Variants in POLR3B observed in about 807,000 individuals in gnomAD.
POLR3B encodes DNA-directed RNA polymerase III subunit RPC2.
A neutral mutation model predicts 147.4 loss-of-function variants in POLR3B; 96 were observed. The observed-to-expected ratio is 0.65, with a 90% CI of 0.55 to 0.77. POLR3B has a LOEUF of 0.77. Among genes scored for constraint, POLR3B ranks in the 30% least tolerant of loss-of-function variants. POLR3B has a pLI of 0.00. For missense variants in POLR3B, 1,036 were observed against 1,413.5 expected (o/e 0.73, Z 4.28); for synonymous variants, 461 against 485.9 (o/e 0.95, Z 0.67).
intron 9 of POLR3B, among the ~76,000 whole-genome samples, chr12:106,392,829 T>G (rs1015551131): frequency 2.0e-5 from 3 of 152,260 alleles, no homozygotes; most frequent in Admixed American, 2.0e-4. Flanking sequence ...GAATGTTTGT[T>G]TTCCACTTTC....
chr12:106,452,285 CA>C (rs1201379257), intron 19 of POLR3B, among the ~76,000 whole-genome samples: 5 of 152,214 alleles, frequency 3.3e-5, no homozygotes, highest in African/African-American at 1.2e-4. Flanking sequence ...TATACTCTCA[CA>C]AGTTCTTTAA....
Position 106,444,590 on chromosome 12 carries a change from G to A in POLR3B, c.2083G>A (p.Gly695Ser). The part of the protein sequence containing the change: ...YQCAMGKQAM[G>S]TIGYNQRNRI... Reference sequence around the variant, plus strand: ...GTGTGCCATGGGGAAACAAGCCATGGGTAAGATTTCCTTCTTGAAAGTTGG... The same window carrying A: ...GTGTGCCATGGGGAAACAAGCCATGAGTAAGATTTCCTTCTTGAAAGTTGG... Residue 695 changes from glycine (G) to serine (S), a missense_variant and splice_region_variant, in exon 19 of 28, where the codon GGT becomes AGT. By Grantham distance (56) the Gly-to-Ser change is moderately conservative. Transcript: ENST00000228347. The A allele has an allele frequency of 6.2e-7, 1 of 1,613,478 alleles. No homozygotes were observed. Among genetic ancestry groups the A allele is most frequent in the Non-Finnish European group, 8.5e-7 (1 of 1,179,852 alleles).
intron 27 of POLR3B, among the ~76,000 whole-genome samples, chr12:106,508,015 C>T (rs912883847): frequency 1.3e-5 from 2 of 152,098 alleles, no homozygotes; most frequent in Admixed American, 6.6e-5. Flanking sequence ...TAAAATTTTA[C>T]GTATGATTTT....
Position 106,507,818 on chromosome 12 carries a change from A to G in POLR3B, c.3273-1602A>G, listed in dbSNP as rs117353348. ...AGTTCTTGCTTTTCTTTTCTAAAAT[A>G]ATACAAGCTTTATTTTACTGATTGC... On this transcript the variant is annotated intron_variant, in intron 27 of 27. Transcript: ENST00000228347. 3,685 of 455,940 alleles carry G rather than the reference A, an allele frequency of 8.1e-3. 20 individuals carry two copies. Among genetic ancestry groups the G allele is most frequent in the Non-Finnish European group, 0.013 (2,940 of 226,768 alleles). The allele number at this position is 455,940 out of a possible 1,614,324, so 28.2% of individuals were successfully genotyped here. A position where few individuals can be genotyped will look rare whatever the true frequency, so the allele number is the denominator to read the frequency against.
chr12:106,449,073 G>A (rs1279705490), intron 19 of POLR3B, among the ~76,000 whole-genome samples: 1 of 152,004 alleles, frequency 6.6e-6, no homozygotes, highest in Non-Finnish European at 1.5e-5. Context: ...TCAGATTTTG[G>A]ATTTTTTTGA....
chr12:106,393,010 T>C (rs760493506), intron 9 of POLR3B, 21 bp from the exon 10 acceptor site: 2 of 1,614,050 alleles, frequency 1.2e-6, no homozygotes, highest in Non-Finnish European at 1.7e-6. Flanking sequence ...ACACTCTTTC[T>C]ATCTTTTCTT....
intron 18 of POLR3B, among the ~76,000 whole-genome samples, chr12:106,443,363 T>A (rs961525041): frequency 6.6e-6 from 1 of 152,204 alleles, no homozygotes; most frequent in Non-Finnish European, 1.5e-5. Context: ...ACTGAGTTAC[T>A]TAAATTTCAA....
chr12:106,457,304 C>A lies in POLR3B; in HGVS notation c.2452+8C>A, dbSNP rs2037878003. 6.2e-7 allele frequency: 1 copy of A among 1,608,942 alleles called. No homozygotes were observed. The highest frequency in any genetic ancestry group is 1.3e-5 in the African/African-American group (1 of 74,702). ...ATGGTATTTGTTCTCCAGGTAAAAG[C>A]CTTTTAAAAGAAAAAATTTTAATAC... On this transcript the variant is annotated splice_region_variant and intron_variant, in intron 21 of 27. Coordinates refer to ENST00000228347, the MANE Select transcript of POLR3B (RefSeq NM_018082.6).
chr12:106,458,747 G>A (rs1016681029), intron 21 of POLR3B, among the ~76,000 whole-genome samples: 5 of 152,098 alleles, frequency 3.3e-5, no homozygotes, highest in African/African-American at 1.2e-4. Context: ...TGGAAAATAC[G>A]CGCTGTGACA....
intron 7 of POLR3B, among the ~76,000 whole-genome samples, chr12:106,377,681 C>A (rs1455057947): frequency 6.6e-6 from 1 of 152,038 alleles, no homozygotes; most frequent in East Asian, 1.9e-4. Context: ...TTTTTTCATT[C>A]ACTTTTTACA....
At chr12:106,488,282 C>T (rs1399874361) in intron 23 of POLR3B, among the ~76,000 whole-genome samples, 1 of 152,160 alleles carries the variant, frequency 6.6e-6, no homozygotes, top group Middle Eastern at 3.2e-3. Flanking sequence ...AGTCTGCATC[C>T]CCCCAAAAGA....
intron 12 of POLR3B, among the ~76,000 whole-genome samples, chr12:106,418,174 C>T (rs879302255): frequency 1.3e-5 from 2 of 152,168 alleles, no homozygotes; most frequent in Admixed American, 1.3e-4. Flanking sequence ...GTTAGCAAAA[C>T]CTACCGATTT....
intron 27 of POLR3B, 77 bp from the exon 28 acceptor site, chr12:106,509,343 G>A (rs1016337057): frequency 1.8e-5 from 25 of 1,420,836 alleles, no homozygotes; most frequent in African/African-American, 2.8e-5. Context: ...ACTTTATAGA[G>A]ACCATTCTCA....
At chr12:106,433,548 G>A (rs966861137) in intron 15 of POLR3B, among the ~76,000 whole-genome samples, 171 bp from the exon 16 acceptor site, 2 of 152,172 alleles carry the variant, frequency 1.3e-5, no homozygotes, top group African/African-American at 4.8e-5. Flanking sequence ...TGGCCCTTAA[G>A]CATTCTTCCT....
intron 16 of POLR3B, among the ~76,000 whole-genome samples, chr12:106,434,504 G>C (rs561753030): frequency 9.9e-5 from 15 of 151,542 alleles, no homozygotes; most frequent in Non-Finnish European, 2.2e-4. Flanking sequence ...TGGAAAAGTA[G>C]GTTCCTTTTA....
intron 9 of POLR3B, chr12:106,381,834 C>T (rs1593008492): frequency 6.6e-6 from 1 of 152,162 alleles, no homozygotes; most frequent in Admixed American, 6.5e-5. Flanking sequence ...CTGGTGGTTG[C>T]CCATTTTAAT....
At chr12:106,473,936 C>T (rs1345165742) in intron 23 of POLR3B, among the ~76,000 whole-genome samples, 6 of 151,080 alleles carry the variant, frequency 4.0e-5, no homozygotes, top group Admixed American at 3.3e-4. Context: ...CATCCCTGTC[C>T]TGTGACAGTT....
intron 12 of POLR3B, among the ~76,000 whole-genome samples, chr12:106,425,047 A>T (rs1229362252): frequency 6.6e-6 from 1 of 152,150 alleles, no homozygotes; most frequent in African/African-American, 2.4e-5. Flanking sequence ...TGAACATATT[A>T]TCTGCAAGTA....
intron 23 of POLR3B, among the ~76,000 whole-genome samples, chr12:106,476,816 T>C (rs1292798188): frequency 6.6e-6 from 1 of 152,172 alleles, no homozygotes; most frequent in Non-Finnish European, 1.5e-5. Flanking sequence ...GGTTTGAATG[T>C]CCTCCCGTAG....
Sources: allele counts gnomAD v4.1 joint callset (sites outside exome capture counted in the v4.1 genomes callset), GRCh38; gene constraint gnomAD v4.1.1; transcripts MANE v1.5; gene names NCBI Gene and HGNC (gene_info 2026-07-23, HGNC 2026-07-21).